The following ADAMTS17 variants were observed in gnomAD, a reference collection of about 807,000 sequenced individuals.
ADAMTS17 encodes the protein ADAM metallopeptidase with thrombospondin type 1 motif 17, also known as A disintegrin and metalloproteinase with thrombospondin motifs 17.
ADAMTS17 carries 113 observed loss-of-function variants against 141.5 expected under a neutral mutation model. That is an observed-to-expected ratio of 0.80 (90% confidence interval 0.69 to 0.93). The LOEUF is 0.93. ADAMTS17 is among the 40% of genes least tolerant of loss of function. The pLI, the probability that ADAMTS17 is intolerant of heterozygous loss-of-function variation, is 0.00. For missense variants in ADAMTS17, 1,659 were observed against 1,517.9 expected, an observed-to-expected ratio of 1.09 and a Z score of -1.54; for synonymous variants, 768 against 630.6, an observed-to-expected ratio of 1.22 and a Z score of -3.27.
At chr15:99,974,685 C>T (rs1721762596) in intron 21 of ADAMTS17, 123 bp from the exon 22 acceptor site, 2 of 1,286,984 alleles carry the variant, frequency 1.6e-6, no homozygotes, top group African/African-American at 2.9e-5. Context: ...CACGTCAACC[C>T]TTTGCACTGA....
intron 7 of ADAMTS17, among the ~76,000 whole-genome samples, chr15:100,240,507 C>T (rs2042797780): frequency 6.6e-6 from 1 of 152,150 alleles, no homozygotes; most frequent in Admixed American, 6.5e-5. Context: ...AAGGTGCTCC[C>T]CCCTCACTCC....
intron 7 of ADAMTS17, among the ~76,000 whole-genome samples, chr15:100,246,617 A>C (rs887119626): frequency 2.0e-5 from 3 of 152,208 alleles, no homozygotes; most frequent in Admixed American, 6.5e-5. Context: ...AACAGGGCCC[A>C]AAAGTGAGAT....
chr15:100,328,676 A>C (rs2045962376), intron 3 of ADAMTS17, among the ~76,000 whole-genome samples: 1 of 152,218 alleles, frequency 6.6e-6, no homozygotes. Context: ...GTCTATCAAA[A>C]GAATGCCTCA....
chr15:100,334,971 C>T (rs896278493), intron 2 of ADAMTS17, among the ~76,000 whole-genome samples: 6 of 152,126 alleles, frequency 3.9e-5, no homozygotes, highest in African/African-American at 7.2e-5. Flanking sequence ...GTGCTCCCCT[C>T]GTTCAGTCCT....
chr15:100,332,903 A>G (rs942316724), intron 2 of ADAMTS17, among the ~76,000 whole-genome samples: 5 of 152,162 alleles, frequency 3.3e-5, no homozygotes, highest in Admixed American at 2.6e-4. Context: ...AGCACCAGGA[A>G]GGAGGGGTTG....
intron 3 of ADAMTS17, among the ~76,000 whole-genome samples, chr15:100,294,126 T>C (rs181038143): frequency 1.1e-3 from 162 of 152,324 alleles, no homozygotes; most frequent in Non-Finnish European, 1.9e-3. Context: ...GTCAGATATA[T>C]AACAACACAA....
intron 18 of ADAMTS17, among the ~76,000 whole-genome samples, chr15:100,001,827 C>A (rs2727127): frequency 1 from 151,008 of 151,070 alleles, 75,473 homozygotes; most frequent in Non-Finnish European, 1. Context: ...AAAATAGCCC[C>A]CCGTGGTGGT....
At chr15:100,130,612 C>T (rs948864011) in intron 12 of ADAMTS17, among the ~76,000 whole-genome samples, 1 of 152,114 alleles carries the variant, frequency 6.6e-6, no homozygotes, top group African/African-American at 2.4e-5. Context: ...ATTCCTGGGC[C>T]CCACCCTTAG....
intron 3 of ADAMTS17, among the ~76,000 whole-genome samples, chr15:100,294,306 G>A (rs1037885003): frequency 6.6e-6 from 1 of 152,088 alleles, no homozygotes; most frequent in African/African-American, 2.4e-5. Flanking sequence ...ATATTCTCCA[G>A]CTGCCAAGAG....
intron 13 of ADAMTS17, among the ~76,000 whole-genome samples, chr15:100,113,102 C>CTG (rs1443491009): frequency 1.3e-5 from 2 of 152,158 alleles, no homozygotes; most frequent in Non-Finnish European, 2.9e-5. Context: ...ACCCGGCCCC[C>CTG]TCATCAGTCC....
intron 8 of ADAMTS17, among the ~76,000 whole-genome samples, chr15:100,195,360 G>A (rs529952542): frequency 6.6e-6 from 1 of 152,324 alleles, no homozygotes; most frequent in African/African-American, 2.4e-5. Flanking sequence ...TGAATCCACA[G>A]CTTCAGCTCA....
intron 18 of ADAMTS17, among the ~76,000 whole-genome samples, chr15:100,042,240 C>T (rs2031320056): frequency 6.6e-6 from 1 of 152,162 alleles, no homozygotes; most frequent in African/African-American, 2.4e-5. Flanking sequence ...TCCATGTAAC[C>T]ATAGGTTCTT....
chr15:100,048,589 ATTTTTTTTTTTTTT>A (rs3062438), intron 18 of ADAMTS17, among the ~76,000 whole-genome samples: 1 of 92,356 alleles, frequency 1.1e-5, no homozygotes, highest in Non-Finnish European at 2.1e-5. Flanking sequence ...GGTGATGGCC[ATTTTTTTTTTTTTT>A]TTTTTTTTTT....
intron 8 of ADAMTS17, among the ~76,000 whole-genome samples, chr15:100,166,342 G>A (rs1029440227): frequency 2.0e-5 from 3 of 152,058 alleles, no homozygotes; most frequent in East Asian, 1.9e-4. Context: ...CAATATACAG[G>A]CAATTCTCAT....
chr15:100,269,280 A>C (rs2043822467), intron 4 of ADAMTS17, among the ~76,000 whole-genome samples: 1 of 152,216 alleles, frequency 6.6e-6, no homozygotes, highest in South Asian at 2.1e-4. Flanking sequence ...GACAAGTGAG[A>C]TCTATTAAAC....
chr15:100,075,443 A>G (rs574803383), intron 15 of ADAMTS17, among the ~76,000 whole-genome samples: 60 of 152,298 alleles, frequency 3.9e-4, no homozygotes, highest in South Asian at 1.7e-3. Flanking sequence ...TTGAATGTCA[A>G]TTTGGCTGCT....
At chr15:99,974,946 G>A (rs1268780799) in intron 21 of ADAMTS17, among the ~76,000 whole-genome samples, 1 of 152,178 alleles carries the variant, frequency 6.6e-6, no homozygotes, top group Non-Finnish European at 1.5e-5. Flanking sequence ...AAAAGCATGA[G>A]GTCCAAGTAC....
At chr15:100,165,126 C>T (rs189967503) in intron 8 of ADAMTS17, among the ~76,000 whole-genome samples, 6 of 152,336 alleles carry the variant, frequency 3.9e-5, no homozygotes, top group Admixed American at 3.3e-4. Flanking sequence ...GAAGCTCCTG[C>T]CATCTCTGTG....
chr15:100,046,749 C>T (rs1357739771), intron 18 of ADAMTS17, among the ~76,000 whole-genome samples: 1 of 152,202 alleles, frequency 6.6e-6, no homozygotes, highest in Non-Finnish European at 1.5e-5. Context: ...TTACTTTAAT[C>T]TCTTAATCCT....
Sources: gnomAD v4.1 joint callset for allele counts (sites outside exome capture counted in the v4.1 genomes callset) on GRCh38, gnomAD v4.1.1 for gene constraint, MANE v1.5 for transcripts, NCBI Gene and HGNC (gene_info 2026-07-23, HGNC 2026-07-21) for gene names.